Variants in NAV1 observed in about 807,000 individuals in gnomAD.
NAV1 encodes the protein neuron navigator 1, also known as pore membrane and/or filament interacting like protein 3.
NAV1 carries 18 observed loss-of-function variants against 175.2 expected under a neutral mutation model. The observed-to-expected ratio is 0.10, with a 90% CI of 0.07 to 0.15. The LOEUF (loss-of-function observed/expected upper bound fraction) is 0.15, where lower values mean the gene tolerates loss of function less well. Among genes scored for constraint, NAV1 ranks in the 10% least tolerant of loss-of-function variants. The pLI is 1.00. For synonymous variants in NAV1, 897 were observed against 978.7 expected (o/e 0.92, Z 1.56); for missense variants, 1,731 against 2,436.6 (o/e 0.71, Z 6.10).
exon 30 of NAV1, chr1:201,824,668 G>T (rs1679573123): frequency 6.6e-6 from 1 of 151,876 alleles, no homozygotes; most frequent in South Asian, 2.1e-4. Context: ...TTGATGGTTT[G>T]GTCATTCTTC....
chr1:201,576,814 A>G (rs898483314), intron 1 of NAV1, among the ~76,000 whole-genome samples: 2 of 152,220 alleles, frequency 1.3e-5, no homozygotes, highest in Admixed American at 1.3e-4. Flanking sequence ...TTGCTTTAAA[A>G]TTGTAGCCAT....
chr1:201,813,184 C>T lies in NAV1; in HGVS notation c.5266C>T (p.Arg1756Trp). 1.2e-6 allele frequency: 2 copies of T among 1,614,132 alleles called. No individual in the cohort carries two copies. The highest frequency in any genetic ancestry group is 1.7e-6 in the Non-Finnish European group (2 of 1,180,008). ...GTGTCCCATTGGCATTGAGGACTTC[C>T]GGACCTGGTTCATTGACCTGTGGAA... is the stretch of plus-strand genomic sequence containing the variant. The change falls in exon 28 of 30, where the codon CGG becomes TGG. Residue 1756 changes from arginine to tryptophan, a missense_variant. This residue lies in a region of NAV1 where 30 missense variants were observed against 97.3 expected (regional missense o/e 0.31). Transcript: ENST00000367296. The surrounding 1 kb of genome is among the most constrained non-coding windows in gnomAD (Gnocchi z 4.2).
chr1:201,619,129 A>G (rs1668083154), upstream of NAV1, among the ~76,000 whole-genome samples: 2 of 152,176 alleles, frequency 1.3e-5, no homozygotes, highest in Admixed American at 1.3e-4. Context: ...GTGACCTACC[A>G]TGGGAATGTT....
upstream of NAV1, among the ~76,000 whole-genome samples, chr1:201,648,050 C>T (rs535521527): frequency 1.0e-4 from 15 of 148,788 alleles, no homozygotes; most frequent in East Asian, 2.6e-3. Flanking sequence ...CTCGCAGATA[C>T]CTCCCCCTCC....
chr1:201,789,706 A>T (rs982509247), intron 10 of NAV1, 34 bp from the exon 15 acceptor site: 1 of 1,610,266 alleles, frequency 6.2e-7, no homozygotes, highest in Non-Finnish European at 8.5e-7. Context: ...CCTGGAACCC[A>T]CTGTTAACTC....
At chr1:201,660,715 G>A (rs962191827) in intron 1 of NAV1, among the ~76,000 whole-genome samples, 4 of 152,210 alleles carry the variant, frequency 2.6e-5, no homozygotes, top group African/African-American at 9.7e-5. Context: ...CTGTGCTAGC[G>A]CTTTGTTTGC....
In NAV1 at chr1:201,790,596, G is replaced by A. The variant is rs1267465895; in HGVS notation, c.3243+19G>A. ...ATCTGAGGTAGGGTGGAAAGCCTTT[G>A]TCTCTGCTTGTTAACATCACTGCAC... On this transcript the variant is annotated intron_variant, in intron 12 of 29. Transcript: ENST00000367296. 1.2e-6 allele frequency: 2 copies of A among 1,614,036 alleles called. No individual in the cohort carries two copies. Among genetic ancestry groups the A allele is most frequent in the Non-Finnish European group, 1.7e-6 (2 of 1,180,004 alleles).
chr1:201,602,667 G>A (rs2885065), intron 2 of NAV1, among the ~76,000 whole-genome samples: 2 of 120,680 alleles, frequency 1.7e-5, no homozygotes, highest in Non-Finnish European at 3.7e-5. Context: ...TTTTTTTTTG[G>A]TTTTTTTTTT....
chr1:201,629,427 GC>G, exon 2 of NAV1: 1 of 1,303,914 alleles, frequency 7.7e-7, no homozygotes, highest in Non-Finnish European at 1.0e-6. Context: ...CAGAAACCTG[GC>G]CCCCTCTCCC....
chr1:201,687,788 G>C (rs1670741853), intron 1 of NAV1, among the ~76,000 whole-genome samples: 1 of 152,192 alleles, frequency 6.6e-6, no homozygotes, highest in South Asian at 2.1e-4. Context: ...CTGAAGCCTG[G>C]CATTTGTGGC....
chr1:201,618,964 C>T (rs187574898), upstream of NAV1, among the ~76,000 whole-genome samples: 284 of 152,208 alleles, frequency 1.9e-3, 2 homozygotes, highest in South Asian at 3.5e-3. Context: ...GGGGAGCCCT[C>T]CTCCACCACC....
exon 4 of NAV1, chr1:201,780,553 A>C (rs1222781909): frequency 1.2e-5 from 19 of 1,614,076 alleles, no homozygotes; most frequent in Non-Finnish European, 1.5e-5. Flanking sequence ...GGAACTCAAC[A>C]ATAGTGGTAC....
At chr1:201,605,348 C>A (rs966381294) in intron 2 of NAV1, among the ~76,000 whole-genome samples, 2 of 151,850 alleles carry the variant, frequency 1.3e-5, no homozygotes, top group African/African-American at 2.4e-5. Flanking sequence ...ACAAGTATTG[C>A]CAAAAGAGAG....
At position 201,693,023 on chromosome 1, in the gene NAV1, C is replaced by T. The variant is rs117814031; in HGVS notation, c.758-19794C>T. ...TAGGGTGGCAAATGGAGACATGAGG[C>T]TGCCTCCCTGTCCATCTCTTAACCA... On this transcript the variant is annotated intron_variant, in intron 1 of 29. Coordinates refer to ENST00000367296, the Ensembl canonical transcript of NAV1. Among the ~76,000 whole-genome samples the T allele has an allele frequency of 1.8e-4, 28 of 152,316 alleles. 1 individual carries two copies. In the East Asian group the frequency reaches 3.3e-3, roughly 18 times the overall value.
rs908301624 is a variant in NAV1 at position 201,787,444 on chromosome 1, C to T, written c.2995+867C>T. Among the ~76,000 whole-genome samples the T allele has an allele frequency of 5.3e-5, 8 of 152,162 alleles. No homozygotes were observed. Among genetic ancestry groups the T allele is most frequent in the African/African-American group, 1.4e-4 (6 of 41,432 alleles). ...AGACTAGGAATTGGGATCACTTGGC[C>T]TAGGGAAAAGAACCATTGTTCAGAC... On this transcript the variant is annotated intron_variant, in intron 9 of 29. Coordinates refer to ENST00000367296, the Ensembl canonical transcript of NAV1. This position sits in a 1 kb window ranked among gnomAD's most constrained non-coding sequence, Gnocchi z 4.3.
chr1:201,723,638 C>T (rs1245746076), intron 3 of NAV1: 1 of 152,194 alleles, frequency 6.6e-6, no homozygotes, highest in Non-Finnish European at 1.5e-5. Flanking sequence ...CAGAAAGCCA[C>T]ATTTTTCTAA....
intron 1 of NAV1, among the ~76,000 whole-genome samples, chr1:201,548,794 G>A (rs1464031296): frequency 6.6e-6 from 1 of 152,196 alleles, no homozygotes; most frequent in Non-Finnish European, 1.5e-5. Context: ...AGAGAGTCGG[G>A]TTTAGTGTAA....
chr1:201,715,285 G>A (rs1220651543), intron 2 of NAV1, among the ~76,000 whole-genome samples: 1 of 150,912 alleles, frequency 6.6e-6, no homozygotes, highest in African/African-American at 2.4e-5. Context: ...CTCAGCCTCT[G>A]AAGTAGCTGG....
chr1:201,594,952 T>C (rs1667312153), intron 2 of NAV1, among the ~76,000 whole-genome samples: 1 of 152,222 alleles, frequency 6.6e-6, no homozygotes, highest in Non-Finnish European at 1.5e-5. Flanking sequence ...GGGCTAAGCA[T>C]TAGGCAAGGG....
Sources: allele counts gnomAD v4.1 joint callset (sites outside exome capture counted in the v4.1 genomes callset), GRCh38; gene constraint gnomAD v4.1.1; regional missense constraint gnomAD v4.1.1; non-coding constraint Gnocchi (gnomAD v3.1); transcripts MANE v1.5; gene names NCBI Gene and HGNC (gene_info 2026-07-23, HGNC 2026-07-21).